Variants in ESCO1 observed in about 807,000 individuals in gnomAD.
The protein encoded by ESCO1 is N-acetyltransferase ESCO1.
Under a neutral mutation model 83.5 loss-of-function variants are expected in ESCO1, and 33 were observed. That is an observed-to-expected ratio of 0.40 (90% confidence interval 0.30 to 0.53). The LOEUF (loss-of-function observed/expected upper bound fraction) is 0.53, where lower values mean the gene tolerates loss of function less well. Ranked by LOEUF, ESCO1 falls within the 20% of genes least tolerant of loss-of-function variation. The pLI, the probability that ESCO1 is intolerant of heterozygous loss-of-function variation, is 0.63. For synonymous variants in ESCO1, 332 were observed against 324.3 expected (o/e 1.02, Z -0.25); for missense variants, 855 against 968.0 (o/e 0.88, Z 1.55).
At chr18:21,579,782 A>ACG (rs1303497084) in intron 2 of ESCO1, among the ~76,000 whole-genome samples, 897 of 47,096 alleles carry the variant, frequency 0.019, 30 homozygotes, top group African/African-American at 0.053. Context: ...ACACACACAC[A>ACG]CACGCGCGCG....
At chr18:21,595,396 G>C (rs1332982672) in intron 1 of ESCO1, among the ~76,000 whole-genome samples, 1 of 148,384 alleles carries the variant, frequency 6.7e-6, no homozygotes, top group Non-Finnish European at 1.5e-5. Flanking sequence ...AGGGGCCGGC[G>C]CTGTGGTTCA....
At position 21,536,043 on chromosome 18, in the gene ESCO1, C is replaced by A; in HGVS notation, c.2186G>T (p.Trp729Leu). The A allele has an allele frequency of 6.2e-7, 1 of 1,613,522 alleles. No individual in the cohort carries two copies. The highest frequency in any genetic ancestry group is 8.5e-7 in the Non-Finnish European group (1 of 1,179,804). The change falls in exon 10 of 12, where the codon TGG becomes TTG. Residue 729 changes from tryptophan (W) to leucine (L), a missense_variant and splice_region_variant. Physicochemically the swap from Trp to Leu is moderately conservative, Grantham distance 61. Transcript: ENST00000269214. ...TAAGAACACTCTTTTATCACTTACC[C>A]ATTGGATATGTTCCGCAATTAGGCA... is the stretch of plus-strand genomic sequence containing the variant. ...VGCLIAEHIQWGYRVIEEKLP... is the reference protein window; with the variant it reads ...VGCLIAEHIQLGYRVIEEKLP...
chr18:21,566,741 T>G (rs1233854523), intron 5 of ESCO1, among the ~76,000 whole-genome samples: 1 of 151,430 alleles, frequency 6.6e-6, no homozygotes, highest in African/African-American at 2.4e-5. Context: ...GTGCCTGTAA[T>G]CCCAGCTGCC....
intron 8 of ESCO1, among the ~76,000 whole-genome samples, chr18:21,541,377 A>G (rs540805163): frequency 8.0e-4 from 122 of 152,218 alleles, no homozygotes; most frequent in East Asian, 9.7e-4. Context: ...GGCAGATCAC[A>G]AGGTCAGGAG....
At chr18:21,566,345 A>T (rs993540149) in intron 5 of ESCO1, 139 bp from the exon 6 acceptor site, 1 of 729,774 alleles carries the variant, frequency 1.4e-6, no homozygotes, top group Non-Finnish European at 2.2e-6. Context: ...ATCTGATAAA[A>T]TTAGAACCTT....
At chr18:21,577,039 A>C (rs1361103167) in intron 2 of ESCO1, among the ~76,000 whole-genome samples, 2 of 151,432 alleles carry the variant, frequency 1.3e-5, no homozygotes, top group Non-Finnish European at 2.9e-5. Flanking sequence ...GTCTCAAAAA[A>C]AAAAAAGAAA....
intron 8 of ESCO1, among the ~76,000 whole-genome samples, chr18:21,546,802 C>T (rs553923535): frequency 6.6e-6 from 1 of 152,180 alleles, no homozygotes; most frequent in Admixed American, 6.5e-5. Context: ...CCGCCCTGGC[C>T]TCCCAAAGTG....
At position 21,550,740 on chromosome 18, in the gene ESCO1, G is replaced by T. The variant is rs139521641; in HGVS notation, c.1953+10119C>A. 2.0e-5 allele frequency among the ~76,000 whole-genome samples: 3 copies of T among 152,300 alleles called. No individual in the cohort carries two copies. In the East Asian group the frequency reaches 5.8e-4, roughly 29 times the overall value. The stretch of plus-strand genomic sequence containing the variant: ...GTTATCACAATGTACATCTCTGGGA[G>T]TTCTGCTCCCATTTAGGATAAAGGA... On this transcript the variant is annotated intron_variant, in intron 8 of 11. Transcript: ENST00000269214.
intron 4 of ESCO1, among the ~76,000 whole-genome samples, chr18:21,569,845 G>A (rs1039900329): frequency 9.2e-5 from 14 of 151,992 alleles, no homozygotes; most frequent in East Asian, 3.9e-4. Flanking sequence ...GCAAGACTCC[G>A]TCTCAAAAAA....
At chr18:21,585,055 T>C (rs918690611) in intron 1 of ESCO1, among the ~76,000 whole-genome samples, 1 of 149,596 alleles carries the variant, frequency 6.7e-6, no homozygotes, top group African/African-American at 2.5e-5. Context: ...GGCAGAGAAC[T>C]GCTTGAACCC....
At chr18:21,587,221 T>C (rs933274609) in intron 1 of ESCO1, among the ~76,000 whole-genome samples, 1 of 152,228 alleles carries the variant, frequency 6.6e-6, no homozygotes, top group Non-Finnish European at 1.5e-5. Flanking sequence ...TGCCTAGTAC[T>C]AAGGTCTTTT....
chr18:21,583,176 T>C (rs761365659), intron 2 of ESCO1, among the ~76,000 whole-genome samples: 1 of 151,878 alleles, frequency 6.6e-6, no homozygotes, highest in Non-Finnish European at 1.5e-5. Context: ...AGCGAGACTC[T>C]GTCTCAAAAA....
At chr18:21,595,820 C>T (rs1186164417) in intron 1 of ESCO1, among the ~76,000 whole-genome samples, 1 of 151,310 alleles carries the variant, frequency 6.6e-6, no homozygotes, top group South Asian at 2.1e-4. Context: ...AAAAATTAGC[C>T]GGGCATGGTG....
intron 10 of ESCO1, among the ~76,000 whole-genome samples, chr18:21,534,294 T>C (rs2037804152): frequency 6.6e-6 from 1 of 152,172 alleles, no homozygotes; most frequent in Non-Finnish European, 1.5e-5. Context: ...TTTTCACTCA[T>C]GCAAAAAAAT....
Position 21,592,527 on chromosome 18 carries a change from T to G in ESCO1, c.-824-8087A>C, listed in dbSNP as rs1368688088. Among the ~76,000 whole-genome samples the G allele has an allele frequency of 8.8e-5, 12 of 135,934 alleles. 1 individual carries two copies. Among genetic ancestry groups the G allele is most frequent in the Admixed American group, 6.5e-4 (9 of 13,800 alleles). The allele number at this position is 135,934 out of a possible 152,430, so 89.2% of individuals were successfully genotyped here. A position where few individuals can be genotyped will look rare whatever the true frequency, so the allele number is the denominator to read the frequency against. ...CCGGGCAGAGGCGCCCCTCACCTCC[T>G]GGACAGGGCGGCTGGCCGGGCGGGG... On this transcript the variant is annotated intron_variant, in intron 1 of 11. Transcript: ENST00000269214.
intron 5 of ESCO1, among the ~76,000 whole-genome samples, chr18:21,566,419 T>A (rs1017746667): frequency 3.3e-5 from 5 of 152,208 alleles, no homozygotes; most frequent in Non-Finnish European, 7.3e-5. Context: ...ACTACAAAGC[T>A]GCAAAGAGCT....
intron 1 of ESCO1, among the ~76,000 whole-genome samples, chr18:21,594,131 C>T (rs1598482413): frequency 1.3e-5 from 2 of 152,166 alleles, no homozygotes; most frequent in Admixed American, 6.6e-5. Flanking sequence ...CTAGACACTA[C>T]AAAATGTCTC....
In ESCO1 at chr18:21,566,219, CAAG is replaced by C. The variant is rs1226181604; in HGVS notation, c.1646-16_1646-14del. 1 of 1,610,900 alleles carries C rather than the reference CAAG, an allele frequency of 6.2e-7. No homozygotes were observed. Among genetic ancestry groups the C allele is most frequent in the South Asian group, 1.1e-5 (1 of 90,530 alleles). On this transcript the variant is annotated splice_polypyrimidine_tract_variant and intron_variant, in intron 5 of 11. Coordinates refer to ENST00000269214, the MANE Select transcript of ESCO1 (RefSeq NM_052911.3). ...TGGGGAGCTGAACCTGTAATTTAAT[CAAG>C]AAGGTGGGTTATATATTGAGTTTTA...
chr18:21,533,880 TC>T (rs925502276), intron 10 of ESCO1, among the ~76,000 whole-genome samples: 1 of 152,200 alleles, frequency 6.6e-6, no homozygotes, highest in African/African-American at 2.4e-5. Context: ...TATAATAATT[TC>T]AGGCTGAATA....
Sources: allele counts gnomAD v4.1 joint callset (sites outside exome capture counted in the v4.1 genomes callset), GRCh38; gene constraint gnomAD v4.1.1; transcripts MANE v1.5; gene names NCBI Gene and HGNC (gene_info 2026-07-23, HGNC 2026-07-21).